The following ATE1 variants were observed in gnomAD, a reference collection of about 807,000 sequenced individuals.
ATE1 encodes arginyl-tRNA--protein transferase 1.
A neutral mutation model predicts 70.5 loss-of-function variants in ATE1; 36 were observed. The ratio of observed to expected loss-of-function variants is 0.51; its 90% confidence interval spans 0.39 to 0.67. ATE1 has a LOEUF of 0.67. Among genes scored for constraint, ATE1 ranks in the 30% least tolerant of loss-of-function variants. The probability of loss-of-function intolerance (pLI) is 0.00; values close to 1 mark genes in which losing one functional copy is unlikely to be tolerated. For missense variants in ATE1, 593 were observed against 629.5 expected (o/e 0.94, Z 0.62); for synonymous variants, 232 against 219.3 (o/e 1.06, Z -0.51).
At chr10:121,798,656 T>C (rs889159238) in intron 10 of ATE1, among the ~76,000 whole-genome samples, 4 of 152,142 alleles carry the variant, frequency 2.6e-5, no homozygotes, top group Non-Finnish European at 4.4e-5. Context: ...TCCCAGCACT[T>C]TGGGAGGCAG....
chr10:121,812,016 CACTATCTCAGCCCACTACAA>C (rs1947341867), intron 10 of ATE1, among the ~76,000 whole-genome samples: 2 of 136,280 alleles, frequency 1.5e-5, no homozygotes, highest in Admixed American at 8.3e-5. Context: ...TGATAGTGGG[CACTATCTCAGCCCACTACAA>C]CCTTTGCCTC....
At chr10:121,839,083 C>T (rs1248304013) in intron 9 of ATE1, among the ~76,000 whole-genome samples, 1 of 152,288 alleles carries the variant, frequency 6.6e-6, no homozygotes, top group East Asian at 1.9e-4. Flanking sequence ...AACTCCGCAA[C>T]TCATCTTCTC....
intron 11 of ATE1, among the ~76,000 whole-genome samples, chr10:121,783,011 T>C (rs142746171): frequency 0.01 from 1,596 of 152,332 alleles, 16 homozygotes; most frequent in Middle Eastern, 0.014. Context: ...CCCCGTTATA[T>C]AATCTATTCC....
chr10:121,912,145 C>T (rs1172888716), intron 4 of ATE1, among the ~76,000 whole-genome samples: 1 of 152,044 alleles, frequency 6.6e-6, no homozygotes, highest in East Asian at 2.0e-4. Context: ...CTGTGTTGGC[C>T]TCTCAAAGTG....
chr10:121,754,625 C>G (rs1032813837), intron 11 of ATE1, among the ~76,000 whole-genome samples: 16 of 152,146 alleles, frequency 1.1e-4, no homozygotes, highest in Non-Finnish European at 1.5e-5. Context: ...CATCATTTGG[C>G]AGCCATCTCA....
intron 8 of ATE1, among the ~76,000 whole-genome samples, chr10:121,862,290 A>C (rs1366182027): frequency 6.6e-6 from 1 of 152,072 alleles, no homozygotes; most frequent in African/African-American, 2.4e-5. Context: ...ATTCCTTCTG[A>C]ATTCTAGCCA....
At chr10:121,762,224 C>T (rs1214112248) in intron 11 of ATE1, among the ~76,000 whole-genome samples, 1 of 152,216 alleles carries the variant, frequency 6.6e-6, no homozygotes, top group Non-Finnish European at 1.5e-5. Context: ...AATCCTTTTT[C>T]ATTGACTGAC....
chr10:121,772,564 C>T (rs1259466606), intron 11 of ATE1, among the ~76,000 whole-genome samples: 1 of 152,176 alleles, frequency 6.6e-6, no homozygotes. Flanking sequence ...CCCTGTCTCA[C>T]GCCTCACAGC....
intron 10 of ATE1, among the ~76,000 whole-genome samples, chr10:121,814,999 C>A (rs946899181): frequency 3.3e-5 from 5 of 152,308 alleles, no homozygotes; most frequent in African/African-American, 7.2e-5. Flanking sequence ...GAAAGTAATT[C>A]AATTCATTTG....
Position 121,920,190 on chromosome 10 carries a change from C to CA in ATE1, c.233+2158dup, listed in dbSNP as rs200560548. On this transcript the variant is annotated intron_variant, in intron 3 of 11. Coordinates refer to ENST00000224652, the MANE Select transcript of ATE1 (RefSeq NM_001001976.3). ...TTAACGCACTTTTCACATTTTCTAT[C>CA]AAAAAAAAAGGTTCAGGTGCAGTAG... 6.9e-4 allele frequency among the ~76,000 whole-genome samples: 104 copies of CA among 150,242 alleles called. 1 individual carries two copies. The East Asian group carries it at 0.012, about 18-fold the overall frequency.
rs113605459 is a variant in ATE1, at chr10:121,867,337, C to T, written c.975+2669G>A. Among the ~76,000 whole-genome samples, 178 of 152,260 alleles carry T rather than the reference C, an allele frequency of 1.2e-3. 1 individual carries two copies. Among genetic ancestry groups the T allele is most frequent in the African/African-American group, 4.1e-3 (169 of 41,556 alleles). On this transcript the variant is annotated intron_variant, in intron 8 of 11. Transcript: ENST00000224652. Reference sequence around the variant, plus strand: ...TTGCTACTTGCCCCAGTAAAGTGGACGTCAAGCTCAAGCCTCCTTATTTGG... The same window carrying T: ...TTGCTACTTGCCCCAGTAAAGTGGATGTCAAGCTCAAGCCTCCTTATTTGG...
chr10:121,877,962 G>C (rs999565556), intron 7 of ATE1, among the ~76,000 whole-genome samples: 4 of 152,184 alleles, frequency 2.6e-5, no homozygotes, highest in Non-Finnish European at 4.4e-5. Context: ...ATTCGTAACA[G>C]GCAAAAGCTG....
chr10:121,821,443 ATTC>A lies in ATE1; in HGVS notation c.1257+15272_1257+15274del, dbSNP rs1947793394. On this transcript the variant is annotated intron_variant, in intron 10 of 11. Coordinates refer to ENST00000224652, the MANE Select transcript of ATE1 (RefSeq NM_001001976.3). ...TGGTAAAACACTTATCCAACAAAGG[ATTC>A]TTATCTAGAAAGAACTACAGACAAC... 2.6e-5 allele frequency among the ~76,000 whole-genome samples: 4 copies of A among 152,352 alleles called. No individual in the cohort carries two copies. The South Asian group carries it at 8.3e-4, about 32-fold the overall frequency.
intron 11 of ATE1, among the ~76,000 whole-genome samples, chr10:121,751,055 T>G (rs1480607732): frequency 1.3e-5 from 2 of 152,124 alleles, no homozygotes; most frequent in African/African-American, 4.8e-5. Flanking sequence ...TGCAGAGCAG[T>G]TGTGACAGAA....
At chr10:121,826,992 A>G (rs939967912) in intron 10 of ATE1, among the ~76,000 whole-genome samples, 5 of 149,522 alleles carry the variant, frequency 3.3e-5, no homozygotes, top group African/African-American at 1.2e-4. Context: ...TCTGTATCAC[A>G]TTTTCTTTAC....
At chr10:121,859,097 A>G (rs1374766742) in intron 8 of ATE1, among the ~76,000 whole-genome samples, 1 of 151,892 alleles carries the variant, frequency 6.6e-6, no homozygotes, top group Admixed American at 6.6e-5. Flanking sequence ...CTCCGTCTCC[A>G]AAAAAAAGAA....
intron 7 of ATE1, among the ~76,000 whole-genome samples, chr10:121,892,734 C>T (rs953493380): frequency 1.3e-5 from 2 of 151,944 alleles, no homozygotes; most frequent in Admixed American, 6.6e-5. Context: ...AGGCTGGTCT[C>T]GAACTCCTGA....
At chr10:121,877,481 G>A (rs1295042957) in intron 7 of ATE1, among the ~76,000 whole-genome samples, 7 of 151,856 alleles carry the variant, frequency 4.6e-5, no homozygotes, top group Admixed American at 6.6e-5. Context: ...GTTATTTCCA[G>A]GTTGGAAAAA....
intron 11 of ATE1, among the ~76,000 whole-genome samples, chr10:121,786,862 A>G (rs780737979): frequency 5.3e-5 from 8 of 152,192 alleles, no homozygotes; most frequent in Admixed American, 2.6e-4. Context: ...GTATATATAT[A>G]TGTGTATAGA....
Sources: gnomAD v4.1 joint callset for allele counts (sites outside exome capture counted in the v4.1 genomes callset) on GRCh38, gnomAD v4.1.1 for gene constraint, MANE v1.5 for transcripts, NCBI Gene and HGNC (gene_info 2026-07-23, HGNC 2026-07-21) for gene names.